The following DPH6 variants were observed in gnomAD, a reference collection of about 807,000 sequenced individuals.
DPH6 encodes the protein diphthamine biosynthesis 6.
A neutral mutation model predicts 38.2 loss-of-function variants in DPH6; 33 were observed. The ratio of observed to expected loss-of-function variants is 0.86; its 90% CI spans 0.65 to 1.15. The LOEUF is 1.15. Among genes scored for constraint, DPH6 ranks in the 50% most tolerant of loss-of-function variants. DPH6 has a pLI of 0.00. For synonymous variants in DPH6, 108 were observed against 103.0 expected, an observed-to-expected ratio of 1.05 and a Z score of -0.30; for missense variants, 325 against 320.0, an observed-to-expected ratio of 1.02 and a Z score of -0.12.
chr15:35,434,620 G>T (rs59261660), intron 5 of DPH6, among the ~76,000 whole-genome samples: 29,704 of 151,950 alleles, frequency 0.2, 4,606 homozygotes, highest in African/African-American at 0.42. Context: ...ATAGAAAAGT[G>T]AAAATGAAAG....
intron 8 of DPH6, 153 bp from the exon 9 acceptor site, chr15:35,372,356 T>C (rs1177068015): frequency 1.2e-5 from 7 of 564,600 alleles, no homozygotes; most frequent in African/African-American, 1.2e-4. Flanking sequence ...TGAGGTGTCA[T>C]ACTGAAGACC....
chr15:35,531,243 CT>C (rs1243201337), intron 3 of DPH6, among the ~76,000 whole-genome samples: 2 of 152,124 alleles, frequency 1.3e-5, no homozygotes, highest in Non-Finnish European at 2.9e-5. Flanking sequence ...TATACTAAAA[CT>C]AATTAGAAAG....
chr15:35,481,441 T>C (rs1460894108), intron 3 of DPH6, among the ~76,000 whole-genome samples: 4 of 152,142 alleles, frequency 2.6e-5, no homozygotes, highest in African/African-American at 9.7e-5. Context: ...CCAATTGCAA[T>C]ACATGAAACT....
At position 35,381,903 on chromosome 15, in the gene DPH6, T is replaced by C. The variant is rs760030551; in HGVS notation, c.581A>G (p.Tyr194Cys). The C allele has an allele frequency of 6.2e-7, 1 of 1,611,854 alleles. No homozygotes were observed. Among genetic ancestry groups the C allele is most frequent in the Non-Finnish European group, 8.5e-7 (1 of 1,179,236 alleles). ...ACCTTCTCCACAAACATGTACTCCA[T>C]ACTTCTTAGAAAGCTGAAAATAGGA... Reference protein sequence around the residue: ...EPYLIELSKKYGVHVCGEGGE... With the variant: ...EPYLIELSKKCGVHVCGEGGE... Residue 194 changes from tyrosine (Y) to cysteine (C), a missense_variant, in exon 7 of 9, where the codon TAT becomes TGT. Coordinates refer to ENST00000256538, the MANE Select transcript of DPH6 (RefSeq NM_080650.4).
At chr15:35,470,421 C>T (rs2054183715) in intron 3 of DPH6, among the ~76,000 whole-genome samples, 1 of 151,894 alleles carries the variant, frequency 6.6e-6, no homozygotes, top group African/African-American at 2.4e-5. Context: ...CATTACTGAC[C>T]TTGACAAGAG....
the DPH6 span, among the ~76,000 whole-genome samples, chr15:35,157,772 G>T: frequency 6.6e-6 from 1 of 151,982 alleles, no homozygotes; most frequent in African/African-American, 2.4e-5. Flanking sequence ...CCTGTTCTGT[G>T]AACAAATTGG....
intron 3 of DPH6, among the ~76,000 whole-genome samples, chr15:35,522,522 AT>A (rs1218181959): frequency 5.3e-5 from 8 of 152,282 alleles, no homozygotes; most frequent in Admixed American, 4.6e-4. Flanking sequence ...AAATAAAATA[AT>A]AAAATCTCTC....
chr15:35,289,166 A>G (rs1305599878), intron 3 of DPH6, among the ~76,000 whole-genome samples: 1 of 152,174 alleles, frequency 6.6e-6, no homozygotes, highest in East Asian at 1.9e-4. Context: ...TACAAATGAG[A>G]TGGCTCTTAA....
At chr15:35,533,141 C>T (rs2055114413) in intron 3 of DPH6, among the ~76,000 whole-genome samples, 1 of 151,772 alleles carries the variant, frequency 6.6e-6, no homozygotes, top group South Asian at 2.1e-4. Context: ...GGATGGTTTC[C>T]AAGTTGAAAC....
intron 2 of DPH6, among the ~76,000 whole-genome samples, chr15:35,539,749 A>G (rs2055224397): frequency 6.6e-6 from 1 of 152,184 alleles, no homozygotes; most frequent in East Asian, 1.9e-4. Flanking sequence ...GCTTTCCATT[A>G]AATGTGAAAA....
chr15:35,177,196 G>C, the DPH6 span, among the ~76,000 whole-genome samples: 1 of 152,096 alleles, frequency 6.6e-6, no homozygotes, highest in Non-Finnish European at 1.5e-5. Context: ...GACTTATGGA[G>C]AAAAGAGGTG....
chr15:35,157,034 C>G, the DPH6 span, among the ~76,000 whole-genome samples: 1 of 152,236 alleles, frequency 6.6e-6, no homozygotes, highest in East Asian at 1.9e-4. Context: ...CCTTGATTAA[C>G]AAGAATCATT....
intron 3 of DPH6, among the ~76,000 whole-genome samples, chr15:35,234,011 C>T (rs1179172586): frequency 6.6e-6 from 1 of 152,102 alleles, no homozygotes; most frequent in African/African-American, 2.4e-5. Flanking sequence ...TGTTTGTTAT[C>T]GTGTATGGCC....
chr15:35,205,844 C>T, the DPH6 span, among the ~76,000 whole-genome samples: 1 of 151,996 alleles, frequency 6.6e-6, no homozygotes, highest in African/African-American at 2.4e-5. Context: ...TTCACAATAA[C>T]AAATCCACAA....
At chr15:35,165,926 T>A in the DPH6 span, among the ~76,000 whole-genome samples, 10 of 152,088 alleles carry the variant, frequency 6.6e-5, no homozygotes, top group East Asian at 1.9e-3. Context: ...GTTTTAACTG[T>A]TATACCTCAT....
chr15:35,215,729 G>A (rs560309147), downstream of DPH6, among the ~76,000 whole-genome samples: 2 of 152,212 alleles, frequency 1.3e-5, no homozygotes, highest in African/African-American at 2.4e-5. Flanking sequence ...CATTTAATGC[G>A]CTAGGCATTT....
At chr15:35,363,465 T>C (rs2140909549) in intron 3 of DPH6, among the ~76,000 whole-genome samples, 1 of 152,270 alleles carries the variant, frequency 6.6e-6, no homozygotes, top group Middle Eastern at 3.4e-3. Context: ...AGCTTTTGCA[T>C]GGCACATGTT....
intron 3 of DPH6, among the ~76,000 whole-genome samples, chr15:35,308,664 A>T (rs1380311785): frequency 1.3e-5 from 2 of 152,232 alleles, no homozygotes; most frequent in Non-Finnish European, 2.9e-5. Flanking sequence ...TGCCATAAAC[A>T]TTTAGGAGCT....
intron 3 of DPH6, among the ~76,000 whole-genome samples, chr15:35,517,886 C>T (rs949315945): frequency 4.0e-5 from 6 of 151,830 alleles, no homozygotes; most frequent in East Asian, 1.9e-4. Flanking sequence ...AGACACATTC[C>T]GAATACTTCT....
Sources: gnomAD v4.1 joint callset for allele counts (sites outside exome capture counted in the v4.1 genomes callset) on GRCh38, gnomAD v4.1.1 for gene constraint, MANE v1.5 for transcripts, NCBI Gene and HGNC (gene_info 2026-07-23, HGNC 2026-07-21) for gene names.